LGSN: variants seen among roughly 807,000 people sequenced by gnomAD.
LGSN encodes the protein lengsin.
LGSN carries 21 observed loss-of-function variants against 19.5 expected under a neutral mutation model. That is an observed-to-expected ratio of 1.07 (90% CI 0.76 to 1.55). LGSN has a LOEUF of 1.55. Ranked by LOEUF, LGSN falls within the 40% of genes most tolerant of loss-of-function variation. The pLI, the probability that LGSN is intolerant of heterozygous loss-of-function variation, is 0.00. For missense variants in LGSN, 673 were observed against 608.5 expected, an observed-to-expected ratio of 1.11 and a Z score of -1.12; for synonymous variants, 257 against 215.6, an observed-to-expected ratio of 1.19 and a Z score of -1.68.
the LGSN span, among the ~76,000 whole-genome samples, chr6:63,523,919 T>TTCTAAGGTATGACTG: frequency 6.6e-6 from 1 of 152,162 alleles, no homozygotes; most frequent in African/African-American, 2.4e-5. Flanking sequence ...ATTCTCAAGT[T>TTCTAAGGTATGACTG]TCTAAGGTAT....
chr6:63,299,064 A>C (rs556822742), intron 1 of LGSN, among the ~76,000 whole-genome samples: 4 of 151,738 alleles, frequency 2.6e-5, no homozygotes, highest in Non-Finnish European at 5.9e-5. Context: ...ATCCATACCG[A>C]GTCCACACAT....
At chr6:63,533,951 C>G in the LGSN span, among the ~76,000 whole-genome samples, 1 of 151,870 alleles carries the variant, frequency 6.6e-6, no homozygotes, top group African/African-American at 2.4e-5. Context: ...TCAAGTGATT[C>G]TCGTGCCTCA....
Position 63,290,320 on chromosome 6 carries a change from C to T in LGSN, c.164-4567G>A, listed in dbSNP as rs187374955. ...CACAATTGACAGTGCAAAGAGAGCT[C>T]ATGATACAAGATCTTTCTCCAGATT... On this transcript the variant is annotated intron_variant, in intron 2 of 3. Coordinates refer to ENST00000370657, the MANE Select transcript of LGSN (RefSeq NM_016571.3). Among the ~76,000 whole-genome samples the T allele has an allele frequency of 4.4e-3, 677 of 152,290 alleles. 5 individuals carry two copies. Among genetic ancestry groups the T allele is most frequent in the South Asian group, 5.8e-3 (28 of 4,828 alleles).
At chr6:63,559,531 G>T in the LGSN span, among the ~76,000 whole-genome samples, 1 of 152,112 alleles carries the variant, frequency 6.6e-6, no homozygotes, top group Non-Finnish European at 1.5e-5. Context: ...CGGATCATGA[G>T]GTCAGGAGAT....
chr6:63,370,953 CTTGTGAAACG>C, the LGSN span, among the ~76,000 whole-genome samples: 1 of 152,148 alleles, frequency 6.6e-6, no homozygotes, highest in Non-Finnish European at 1.5e-5. Context: ...GCTGGCCCTG[CTTGTGAAACG>C]TAGATTTTTA....
the LGSN span, among the ~76,000 whole-genome samples, chr6:63,542,035 G>GTGTA: frequency 6.6e-6 from 1 of 150,946 alleles, no homozygotes; most frequent in African/African-American, 2.5e-5. Flanking sequence ...GTGTGTGTGT[G>GTGTA]TGTGTGTGTG....
At chr6:63,549,316 G>A in the LGSN span, 85 of 752,726 alleles carry the variant, frequency 1.1e-4, 1 homozygote, top group Admixed American at 8.3e-4. Context: ...GCTCTCTGCC[G>A]CTGCAACCTG....
At chr6:63,451,393 T>C in the LGSN span, among the ~76,000 whole-genome samples, 2 of 152,198 alleles carry the variant, frequency 1.3e-5, no homozygotes, top group African/African-American at 4.8e-5. Flanking sequence ...ATATACAACA[T>C]GGAACACTAT....
At chr6:63,366,947 G>T in the LGSN span, among the ~76,000 whole-genome samples, 1 of 151,684 alleles carries the variant, frequency 6.6e-6, no homozygotes, top group African/African-American at 2.4e-5. Context: ...ATTCAAGATG[G>T]ATTAAAGACT....
At chr6:63,561,052 T>C in the LGSN span, among the ~76,000 whole-genome samples, 2 of 152,204 alleles carry the variant, frequency 1.3e-5, no homozygotes, top group East Asian at 3.9e-4. Flanking sequence ...TCAGAACACG[T>C]AGGAAGCCAA....
the LGSN span, chr6:63,573,600 T>A: frequency 6.6e-6 from 1 of 152,176 alleles, no homozygotes; most frequent in Non-Finnish European, 1.5e-5. Flanking sequence ...CGGGCCAGAG[T>A]GGGGTTCTGC....
At chr6:63,475,348 C>T in the LGSN span, among the ~76,000 whole-genome samples, 2 of 151,050 alleles carry the variant, frequency 1.3e-5, no homozygotes, top group African/African-American at 4.9e-5. Flanking sequence ...ACCCAATTGC[C>T]CTCTATTACC....
the LGSN span, among the ~76,000 whole-genome samples, chr6:63,468,353 C>G: frequency 6.6e-6 from 1 of 150,502 alleles, no homozygotes; most frequent in Admixed American, 6.6e-5. Context: ...GTCTCGAACT[C>G]CTGACCTCAA....
At chr6:63,434,026 A>C in the LGSN span, among the ~76,000 whole-genome samples, 1 of 152,176 alleles carries the variant, frequency 6.6e-6, no homozygotes, top group African/African-American at 2.4e-5. Flanking sequence ...AGGCTGGTGC[A>C]TCTCCCTGGG....
the LGSN span, among the ~76,000 whole-genome samples, chr6:63,489,156 C>T: frequency 3.9e-5 from 6 of 151,928 alleles, no homozygotes; most frequent in African/African-American, 1.2e-4. Flanking sequence ...GGAAATGGGC[C>T]GTAAAAATCA....
At chr6:63,412,529 GGAAAGAAA>G in the LGSN span, among the ~76,000 whole-genome samples, 255 of 32,386 alleles carry the variant, frequency 7.9e-3, 1 homozygote, top group Middle Eastern at 0.028. Context: ...AAAGAAAGAA[GGAAAGAAA>G]GAAAGAAAGA....
the LGSN span, among the ~76,000 whole-genome samples, chr6:63,532,447 A>C: frequency 6.6e-6 from 1 of 152,054 alleles, no homozygotes; most frequent in Admixed American, 6.5e-5. Context: ...CATACATCCT[A>C]TGTATGGGTC....
chr6:63,301,923 G>T (rs1416702816), intron 1 of LGSN, among the ~76,000 whole-genome samples: 1 of 152,078 alleles, frequency 6.6e-6, no homozygotes, highest in African/African-American at 2.4e-5. Context: ...CGTAATCTGT[G>T]ATTCTATTTT....
chr6:63,563,808 A>G, the LGSN span, among the ~76,000 whole-genome samples: 1 of 152,226 alleles, frequency 6.6e-6, no homozygotes, highest in Admixed American at 6.5e-5. Context: ...TCCAGTGAAC[A>G]CCATTGTTAA....
Sources: allele counts gnomAD v4.1 joint callset (sites outside exome capture counted in the v4.1 genomes callset), GRCh38; gene constraint gnomAD v4.1.1; transcripts MANE v1.5; gene names NCBI Gene and HGNC (gene_info 2026-07-23, HGNC 2026-07-21).